Variants in PRR12 observed in about 807,000 individuals in gnomAD.
The protein encoded by PRR12 is proline rich 12.
PRR12 carries 12 observed loss-of-function variants against 138.0 expected under a neutral mutation model. That is an observed-to-expected ratio of 0.09 (90% CI 0.06 to 0.14). The LOEUF is 0.14. Among genes scored for constraint, PRR12 ranks in the 10% least tolerant of loss-of-function variants. The pLI, the probability that PRR12 is intolerant of heterozygous loss-of-function variation, is 1.00. For missense variants in PRR12, 2,692 were observed against 2,861.3 expected (o/e 0.94, Z 1.35); for synonymous variants, 1,567 against 1,291.7 (o/e 1.21, Z -4.57).
At position 49,595,556 on chromosome 19, in the gene PRR12, C is replaced by A; in HGVS notation, c.1221C>A (p.Pro407=). ...GAAAGGATRP[P]PPRSTATPKC... ...CTGCCGGGGGTGCCACCAGGCCCCC[C>A]CCACCCCGTTCGACCGCCACCCCCA... Residue 407 remains proline, a synonymous_variant, in exon 4 of 14, where the codon CCC becomes CCA. Coordinates refer to ENST00000418929, the MANE Select transcript of PRR12 (RefSeq NM_020719.3). 1 of 1,587,628 alleles carries A rather than the reference C, an allele frequency of 6.3e-7. No individual in the cohort carries two copies. Among genetic ancestry groups the A allele is most frequent in the Non-Finnish European group, 8.6e-7 (1 of 1,168,020 alleles).
Position 49,594,959 on chromosome 19 carries a change from G to C in PRR12, c.624G>C (p.Leu208=). 1 of 1,600,002 alleles carries C rather than the reference G, an allele frequency of 6.2e-7. No individual in the cohort carries two copies. The highest frequency in any genetic ancestry group is 1.1e-5 in the South Asian group (1 of 89,286). The change falls in exon 4 of 14, where the codon CTG becomes CTC. Residue 208 remains leucine (L), a synonymous_variant. Coordinates refer to ENST00000418929, the MANE Select transcript of PRR12 (RefSeq NM_020719.3). This position sits in a 1 kb window ranked among gnomAD's most constrained non-coding sequence, Gnocchi z 5.6. ...TVPSSLGFER[L]AGGGVLGPAG... is the part of the protein sequence containing the mutation. ...CCTCTTCACTGGGCTTCGAGCGCCT[G>C]GCAGGGGGCGGTGTCTTGGGGCCAG... is the stretch of plus-strand genomic sequence containing the variant.
chr19:49,610,336 C>G (rs529313565), intron 6 of PRR12, among the ~76,000 whole-genome samples: 24 of 152,140 alleles, frequency 1.6e-4, no homozygotes, highest in Non-Finnish European at 2.9e-4. Flanking sequence ...CAGTGGCTTA[C>G]ATCCGCACTG....
At chr19:49,607,948 G>T (rs919950361) in intron 6 of PRR12, among the ~76,000 whole-genome samples, 1 of 152,116 alleles carries the variant, frequency 6.6e-6, no homozygotes, top group Non-Finnish European at 1.5e-5. Context: ...GAACCTTGGA[G>T]GCGGAGGTTG....
rs1197819871 is a variant in PRR12 at position 49,619,703 on chromosome 19, G to A, written c.5498-649G>A. 1.3e-4 allele frequency among the ~76,000 whole-genome samples: 20 copies of A among 149,100 alleles called. No homozygotes were observed. In the East Asian group the frequency reaches 2.9e-3, roughly 22 times the overall value. On this transcript the variant is annotated intron_variant, in intron 9 of 13. Coordinates refer to ENST00000418929, the MANE Select transcript of PRR12 (RefSeq NM_020719.3). ...ATTACAGGCATGCACCACCATGCCC[G>A]GCTAATTTTGTATTTCTTAGTAGAG...
Position 49,597,960 on chromosome 19 carries a change from C to A in PRR12, c.3625C>A (p.Arg1209=). ...KPRGRGRGRG[R]KAEEAGGTRL... ...CCGGGGCCGGGGCCGAGGCCGGGGT[C>A]GAAAGGCTGAGGAGGCAGGGGGCAC... The change falls in exon 4 of 14, where the codon CGA becomes AGA. Residue 1209 remains arginine, a synonymous_variant. Transcript: ENST00000418929. This position sits in a 1 kb window ranked among gnomAD's most constrained non-coding sequence, Gnocchi z 6.3. 7.2e-7 allele frequency: 1 copy of A among 1,396,898 alleles called. No homozygotes were observed. The highest frequency in any genetic ancestry group is 9.3e-7 in the Non-Finnish European group (1 of 1,078,740). 86.5% of individuals were successfully genotyped at this position (1,396,898 alleles called of 1,614,324 possible). A position where few individuals can be genotyped will look rare whatever the true frequency, so the allele number is the denominator to read the frequency against.
Position 49,600,048 on chromosome 19 carries a change from T to G in PRR12, c.4345+110T>G, listed in dbSNP as rs2116921. 1.3e-3 allele frequency: 1,514 copies of G among 1,206,480 alleles called. 19 individuals are homozygous for G. The African/African-American group carries it at 0.021, about 17-fold the overall frequency. 74.7% of individuals were successfully genotyped at this position (1,206,480 alleles called of 1,614,324 possible). A position where few individuals can be genotyped will look rare whatever the true frequency, so the allele number is the denominator to read the frequency against. ...TAAGAGACACCATTCACATACATGG[T>G]GTAAGCTTGCGTGTTTATGAAGGGA... On this transcript the variant is annotated intron_variant, in intron 5 of 13. Coordinates refer to ENST00000418929, the MANE Select transcript of PRR12 (RefSeq NM_020719.3).
At position 49,620,501 on chromosome 19, in the gene PRR12, G is replaced by C. The variant is rs369838353; in HGVS notation, c.5623+24G>C. 326 of 1,543,282 alleles carry C rather than the reference G, an allele frequency of 2.1e-4. 3 individuals carry two copies. Among genetic ancestry groups the C allele is most frequent in the African/African-American group, 4.3e-4 (31 of 72,800 alleles). On this transcript the variant is annotated intron_variant, in intron 10 of 13. Coordinates refer to ENST00000418929, the MANE Select transcript of PRR12 (RefSeq NM_020719.3). ...TGGTGAGCTGAGGCCTGGGGAGGAG[G>C]GGGGGGGGCTGACTCGGTCTGAGGG... is the stretch of plus-strand genomic sequence containing the variant.
Position 49,597,741 on chromosome 19 carries a change from C to G in PRR12, c.3406C>G (p.Pro1136Ala). 1.2e-6 allele frequency: 2 copies of G among 1,607,806 alleles called. No individual in the cohort carries two copies. The highest frequency in any genetic ancestry group is 1.7e-6 in the Non-Finnish European group (2 of 1,177,976). Residue 1136 changes from proline to alanine, a missense_variant, in exon 4 of 14, where the codon CCA (proline) becomes GCA (alanine). Pro to Ala is a conservative substitution (Grantham distance 27). Transcript: ENST00000418929. This position sits in a 1 kb window ranked among gnomAD's most constrained non-coding sequence, Gnocchi z 6.3. ...CTGCCGCTCCCGTCCGGCCCTCTCG[C>G]CACTGGGGGACATCGACTTCTGCCC... ...SSCRSRPALS[P>A]LGDIDFCPPN... is the part of the protein sequence containing the mutation.
chr19:49,596,601 C>T lies in PRR12; in HGVS notation c.2266C>T (p.Leu756=). 2 of 1,594,208 alleles carry T rather than the reference C, an allele frequency of 1.3e-6. No individual in the cohort carries two copies. The highest frequency in any genetic ancestry group is 1.7e-6 in the Non-Finnish European group (2 of 1,170,922). ...VVHYGAGAKE[L]GAFLQKSPPP... is the part of the protein sequence containing the mutation. ...CCACTACGGGGCAGGCGCCAAGGAG[C>T]TGGGGGCCTTCTTGCAAAAGAGCCC... is the stretch of plus-strand genomic sequence containing the variant. The change falls in exon 4 of 14, where the codon CTG becomes TTG. Residue 756 remains leucine (L), a synonymous_variant. Coordinates refer to ENST00000418929, the MANE Select transcript of PRR12 (RefSeq NM_020719.3). This position sits in a 1 kb window ranked among gnomAD's most constrained non-coding sequence, Gnocchi z 5.6.
chr19:49,606,943 A>G (rs1226295300), intron 6 of PRR12, among the ~76,000 whole-genome samples: 1 of 152,032 alleles, frequency 6.6e-6, no homozygotes, highest in Non-Finnish European at 1.5e-5. Context: ...CAATATAAAT[A>G]TCACCTGAGC....
chr19:49,605,991 A>T (rs898518383), intron 6 of PRR12, among the ~76,000 whole-genome samples: 3 of 152,024 alleles, frequency 2.0e-5, no homozygotes, highest in Non-Finnish European at 4.4e-5. Flanking sequence ...TCTGCCACTT[A>T]TTATTATTTT....
Position 49,614,456 on chromosome 19 carries a change from G to T in PRR12, c.4774-77G>T. Reference sequence around the variant, plus strand: ...TCTAAGGGGATGGTGAGGGAAGCCAGTGGGCCAGGGCGTAGGGGCAGTAGG... The same window carrying T: ...TCTAAGGGGATGGTGAGGGAAGCCATTGGGCCAGGGCGTAGGGGCAGTAGG... On this transcript the variant is annotated intron_variant, in intron 6 of 13. Transcript: ENST00000418929. This position sits in a 1 kb window ranked among gnomAD's most constrained non-coding sequence, Gnocchi z 5.0. 1 of 1,045,198 alleles carries T rather than the reference G, an allele frequency of 9.6e-7. No homozygotes were observed. Among genetic ancestry groups the T allele is most frequent in the Non-Finnish European group, 1.4e-6 (1 of 738,392 alleles). The allele number at this position is 1,045,198 out of a possible 1,614,324, so 64.7% of individuals were successfully genotyped here.
rs766978734 is a variant in PRR12, at chr19:49,601,738, C to T, written c.4593C>T (p.Ala1531=). The T allele has an allele frequency of 1.4e-5, 22 of 1,550,956 alleles. No homozygotes were observed. The highest frequency in any genetic ancestry group is 2.7e-5 in the African/African-American group (2 of 73,312). ...APLAAPPEEP[A]APSPEDPELP... is the part of the protein sequence containing the mutation. Reference sequence around the variant, plus strand: ...TGGCTGCTCCTCCTGAGGAGCCCGCCGCCCCGTCTCCCGAAGACCCCGAGC... The same window carrying T: ...TGGCTGCTCCTCCTGAGGAGCCCGCTGCCCCGTCTCCCGAAGACCCCGAGC... The change falls in exon 6 of 14, where the codon GCC becomes GCT. Residue 1531 remains alanine, a synonymous_variant. Transcript: ENST00000418929.
rs761696004 is a variant in PRR12, at chr19:49,594,509, C to T, written c.255C>T (p.Asp85=). Residue 85 remains aspartate, a synonymous_variant, in exon 3 of 14, where the codon GAC becomes GAT. Coordinates refer to ENST00000418929, the MANE Select transcript of PRR12 (RefSeq NM_020719.3). This position sits in a 1 kb window ranked among gnomAD's most constrained non-coding sequence, Gnocchi z 5.6. The stretch of plus-strand genomic sequence containing the variant: ...ACCACGCGGGCTCAGCAGGGCCCGA[C>T]GCCTCCGTCATGAACCTTATCTCGG... ...GLHHAGSAGP[D]ASVMNLISAL... is the part of the protein sequence containing the mutation. The T allele has an allele frequency of 6.8e-6, 11 of 1,612,900 alleles. No homozygotes were observed. Among genetic ancestry groups the T allele is most frequent in the Middle Eastern group, 1.7e-4 (1 of 6,060 alleles).
rs11879135 is a variant in PRR12 at position 49,615,154 on chromosome 19, G to A, written c.5024+145G>A. ...CAGAGAGAGAGGGGGACAGAGACCC[G>A]GAGAGAAATAGGGACAGAGACCCAG... On this transcript the variant is annotated intron_variant, in intron 8 of 13. Transcript: ENST00000418929. 4.2e-3 allele frequency: 5,284 copies of A among 1,257,684 alleles called. 183 individuals are homozygous for A. The African/African-American group carries it at 0.069, about 16-fold the overall frequency. The allele number at this position is 1,257,684 out of a possible 1,614,324, so 77.9% of individuals were successfully genotyped here.
Position 49,616,295 on chromosome 19 carries a change from C to A in PRR12, c.5497+76C>A. 1.5e-6 allele frequency: 2 copies of A among 1,316,046 alleles called. No homozygotes were observed. The highest frequency in any genetic ancestry group is 2.0e-6 in the Non-Finnish European group (2 of 980,932). 81.5% of individuals were successfully genotyped at this position (1,316,046 alleles called of 1,614,324 possible). ...CAGGTGAGGGCTGTCCAGAGGGCTC[C>A]AGGTAGCCTTGGCAGGACAGTAAGA... On this transcript the variant is annotated intron_variant, in intron 9 of 13. Transcript: ENST00000418929. This position sits in a 1 kb window ranked among gnomAD's most constrained non-coding sequence, Gnocchi z 4.2.
At chr19:49,592,082 C>G (rs914533293) in intron 1 of PRR12, among the ~76,000 whole-genome samples, 1 of 152,082 alleles carries the variant, frequency 6.6e-6, no homozygotes, top group South Asian at 2.1e-4. Context: ...ACCCCTCCCC[C>G]CCGCGCCCCA....
At chr19:49,605,788 C>T (rs541924136) in intron 6 of PRR12, among the ~76,000 whole-genome samples, 6 of 152,328 alleles carry the variant, frequency 3.9e-5, no homozygotes, top group East Asian at 1.9e-4. Flanking sequence ...CCAGCTGGCA[C>T]GGGGCAGGGG....
Position 49,595,772 on chromosome 19 carries a change from C to A in PRR12, c.1437C>A (p.Pro479=). Residue 479 remains proline (P), a synonymous_variant, in exon 4 of 14, where the codon CCC becomes CCA. Transcript: ENST00000418929. ...AAGCCCCCAGCTACTCAGGGGGCCCCCCACAGCCCCCCAGCGGCCCCCCTC... is the reference window on the plus strand; with the variant it reads ...AAGCCCCCAGCTACTCAGGGGGCCCACCACAGCCCCCCAGCGGCCCCCCTC... ...LSKAPSYSGG[P]PQPPSGPPPP... 6.2e-7 allele frequency: 1 copy of A among 1,600,186 alleles called. No homozygotes were observed. Among genetic ancestry groups the A allele is most frequent in the Non-Finnish European group, 8.5e-7 (1 of 1,174,506 alleles).
Sources: gnomAD v4.1 joint callset for allele counts (sites outside exome capture counted in the v4.1 genomes callset) on GRCh38, gnomAD v4.1.1 for gene constraint, Gnocchi (gnomAD v3.1) non-coding constraint, MANE v1.5 for transcripts, NCBI Gene and HGNC (gene_info 2026-07-23, HGNC 2026-07-21) for gene names.